The following ADAM29 variants were observed in gnomAD, a reference collection of about 807,000 sequenced individuals.
The protein encoded by ADAM29 is ADAM metallopeptidase domain 29.
For synonymous variants in ADAM29, 367 were observed against 342.3 expected (o/e 1.07, Z -0.80); for missense variants, 969 against 1,001.8 (o/e 0.97, Z 0.44).
At chr4:174,938,461 A>G (rs13147656) in intron 4 of ADAM29, among the ~76,000 whole-genome samples, 32,968 of 151,988 alleles carry the variant, frequency 0.22, 3,784 homozygotes, top group Middle Eastern at 0.32. Flanking sequence ...TTTATTTGTA[A>G]TATCATTTTT....
intron 4 of ADAM29, among the ~76,000 whole-genome samples, chr4:174,960,123 T>C (rs1274469302): frequency 6.6e-6 from 1 of 152,074 alleles, no homozygotes; most frequent in Non-Finnish European, 1.5e-5. Context: ...TTATTAACAT[T>C]CAAGTGTCTA....
chr4:174,964,811 C>A (rs1441435695), intron 4 of ADAM29, among the ~76,000 whole-genome samples: 2 of 151,856 alleles, frequency 1.3e-5, no homozygotes, highest in South Asian at 2.1e-4. Flanking sequence ...ATTATGGGTA[C>A]CTTATTTTTT....
At chr4:174,937,473 G>A (rs1180926865) in intron 4 of ADAM29, among the ~76,000 whole-genome samples, 3 of 151,500 alleles carry the variant, frequency 2.0e-5, no homozygotes, top group Non-Finnish European at 4.4e-5. Context: ...CTTTTATATT[G>A]TGAAAAATAA....
intron 4 of ADAM29, among the ~76,000 whole-genome samples, chr4:174,972,399 G>A (rs1683532342): frequency 1.3e-5 from 2 of 152,152 alleles, no homozygotes; most frequent in South Asian, 4.1e-4. Context: ...AAAGAAGCAG[G>A]TGTGATTTTT....
chr4:174,964,247 A>G (rs1406316379), intron 4 of ADAM29, among the ~76,000 whole-genome samples: 2 of 152,046 alleles, frequency 1.3e-5, no homozygotes, highest in South Asian at 2.1e-4. Flanking sequence ...ATAAGAAGAG[A>G]AAATTAGTAC....
rs1747011021 is a variant in ADAM29 at position 174,977,996 on chromosome 4, C to G, written c.*8C>G. 6.2e-7 allele frequency: 1 copy of G among 1,601,002 alleles called. No individual in the cohort carries two copies. Among genetic ancestry groups the G allele is most frequent in the Admixed American group, 1.7e-5 (1 of 58,970 alleles). On this transcript the variant is annotated 3_prime_UTR_variant, in exon 5 of 5. Coordinates refer to ENST00000359240, the MANE Select transcript of ADAM29 (RefSeq NM_014269.4). Reference sequence around the variant, plus strand: ...CCTGTGACGCCCTCCTAGAGCCAACCTCAGTTGATGCCTTCCCAGAGTCAA... The same window carrying G: ...CCTGTGACGCCCTCCTAGAGCCAACGTCAGTTGATGCCTTCCCAGAGTCAA...
rs546026641 is a variant in ADAM29 at position 174,923,519 on chromosome 4, T to TGATA, written c.-451+2727_-451+2728insGATA. Reference sequence around the variant, plus strand: ...TGCATCATCCCCTATATACTGTGCATTATATGTATATATATATATATATAT... The same window carrying TGATA: ...TGCATCATCCCCTATATACTGTGCATGATATATATGTATATATATATATATATAT... On this transcript the variant is annotated intron_variant, in intron 2 of 4. Coordinates refer to ENST00000359240, the MANE Select transcript of ADAM29 (RefSeq NM_014269.4). Among the ~76,000 whole-genome samples the TGATA allele has an allele frequency of 1.9e-3, 68 of 36,736 alleles. 1 individual carries two copies. Among genetic ancestry groups the TGATA allele is most frequent in the African/African-American group, 3.9e-3 (67 of 17,168 alleles). 24.1% of individuals were successfully genotyped at this position (36,736 alleles called of 152,430 possible). A position where few individuals can be genotyped will look rare whatever the true frequency, so the allele number is the denominator to read the frequency against.
At chr4:174,949,662 C>G (rs945128428) in intron 4 of ADAM29, among the ~76,000 whole-genome samples, 3 of 151,920 alleles carry the variant, frequency 2.0e-5, no homozygotes, top group Admixed American at 6.6e-5. Flanking sequence ...GGATGCCAGT[C>G]TGCCCCGTAT....
chr4:174,936,234 G>A (rs1744189926), intron 3 of ADAM29, among the ~76,000 whole-genome samples: 2 of 151,872 alleles, frequency 1.3e-5, no homozygotes, highest in Non-Finnish European at 2.9e-5. Flanking sequence ...ATGTAATTTC[G>A]ACTTGAATTC....
intron 1 of ADAM29, 80 bp from the exon 2 acceptor site, chr4:174,920,607 A>G (rs1743111881): frequency 6.6e-6 from 1 of 152,160 alleles, no homozygotes; most frequent in South Asian, 2.1e-4. Flanking sequence ...AAACACTGGA[A>G]CAAATTTTAA....
chr4:174,966,655 A>T (rs1254904528), intron 4 of ADAM29, among the ~76,000 whole-genome samples: 1 of 152,170 alleles, frequency 6.6e-6, no homozygotes, highest in African/African-American at 2.4e-5. Context: ...CCACTGGGGC[A>T]GCACTTCTGC....
intron 4 of ADAM29, among the ~76,000 whole-genome samples, chr4:174,965,526 C>CTATCTATCATT (rs1553977784): frequency 4.6e-4 from 69 of 149,542 alleles, no homozygotes; most frequent in Admixed American, 8.7e-4. Flanking sequence ...TATCTATCAT[C>CTATCTATCATT]TATCATCTAT....
intron 2 of ADAM29, among the ~76,000 whole-genome samples, chr4:174,922,465 C>G (rs1743219282): frequency 6.6e-6 from 1 of 152,064 alleles, no homozygotes; most frequent in Admixed American, 6.6e-5. Flanking sequence ...CTGGTAGTAA[C>G]ATTTATAAGG....
At chr4:174,951,027 T>G (rs1157584459) in intron 4 of ADAM29, among the ~76,000 whole-genome samples, 4 of 152,338 alleles carry the variant, frequency 2.6e-5, no homozygotes, top group African/African-American at 9.6e-5. Context: ...GTGAGTTGAT[T>G]AAACTACTTT....
At chr4:174,944,442 A>T (rs7662619) in intron 4 of ADAM29, among the ~76,000 whole-genome samples, 140,411 of 152,254 alleles carry the variant, frequency 0.92, 64,757 homozygotes, top group East Asian at 0.96. Context: ...GGAATATTAT[A>T]TTTTTCTCTT....
intron 2 of ADAM29, among the ~76,000 whole-genome samples, chr4:174,930,572 C>T (rs1441733940): frequency 6.6e-6 from 1 of 152,110 alleles, no homozygotes; most frequent in Admixed American, 6.5e-5. Flanking sequence ...ATTAAATTTA[C>T]TTAAGAATTA....
chr4:174,963,625 G>C (rs1420714782), intron 4 of ADAM29, among the ~76,000 whole-genome samples: 1 of 151,760 alleles, frequency 6.6e-6, no homozygotes, highest in Non-Finnish European at 1.5e-5. Flanking sequence ...ATTTTGTATA[G>C]TATAATATTT....
chr4:174,941,814 G>C (rs1205126396), intron 4 of ADAM29, among the ~76,000 whole-genome samples: 2 of 152,014 alleles, frequency 1.3e-5, no homozygotes, highest in Non-Finnish European at 2.9e-5. Context: ...ACTCATTCCA[G>C]CGTAACTCAA....
At chr4:174,946,178 A>G (rs1744839476) in intron 4 of ADAM29, among the ~76,000 whole-genome samples, 1 of 151,982 alleles carries the variant, frequency 6.6e-6, no homozygotes, top group Admixed American at 6.5e-5. Context: ...CAGCAGTGTT[A>G]TGTAATTCTC....
Sources: allele counts gnomAD v4.1 joint callset (sites outside exome capture counted in the v4.1 genomes callset), GRCh38; gene constraint gnomAD v4.1.1; transcripts MANE v1.5; gene names NCBI Gene and HGNC (gene_info 2026-07-23, HGNC 2026-07-21).